The following SEM1 variants were observed in gnomAD, a reference collection of about 807,000 sequenced individuals.
SEM1 encodes the protein SEM1 26S proteasome subunit, also known as 26S proteasome complex subunit SEM1.
Under a neutral mutation model 12.7 loss-of-function variants are expected in SEM1, and 3 were observed. The observed-to-expected ratio is 0.24, with a 90% CI of 0.11 to 0.61. SEM1 has a LOEUF of 0.61. SEM1 is among the 20% of genes least tolerant of loss of function. SEM1 has a pLI of 0.88. For missense variants in SEM1, 59 were observed against 81.3 expected (o/e 0.73, Z 1.06); for synonymous variants, 30 against 27.8 (o/e 1.08, Z -0.25).
intron 2 of SEM1, among the ~76,000 whole-genome samples, chr7:96,663,910 A>C (rs1315449383): frequency 6.6e-6 from 1 of 152,266 alleles, no homozygotes; most frequent in African/African-American, 2.4e-5. Flanking sequence ...ACGTTTCATC[A>C]GTAACAAGAT....
intron 2 of SEM1, among the ~76,000 whole-genome samples, chr7:96,536,371 G>A (rs926712424): frequency 6.6e-6 from 1 of 151,736 alleles, no homozygotes; most frequent in Non-Finnish European, 1.5e-5. Context: ...TTGTGACCTT[G>A]AGAAGAATGT....
chr7:96,563,193 G>A (rs376806755), intron 2 of SEM1, among the ~76,000 whole-genome samples: 9 of 152,064 alleles, frequency 5.9e-5, no homozygotes, highest in African/African-American at 1.9e-4. Flanking sequence ...ATTCATTCAT[G>A]ACAGGAAGAA....
At chr7:96,547,659 T>G (rs1805143710) in intron 2 of SEM1, among the ~76,000 whole-genome samples, 1 of 152,136 alleles carries the variant, frequency 6.6e-6, no homozygotes, top group Non-Finnish European at 1.5e-5. Flanking sequence ...TTAGTTCTAT[T>G]ATGAAAGCAG....
downstream of SEM1, among the ~76,000 whole-genome samples, chr7:96,686,133 C>T (rs1031149915): frequency 6.6e-6 from 1 of 152,032 alleles, no homozygotes; most frequent in Non-Finnish European, 1.5e-5. Flanking sequence ...AATAAACAGG[C>T]CTCTCCTCCC....
At chr7:96,486,265 C>T (rs1802756989) in exon 2 of SEM1, 1 of 1,536,662 alleles carries the variant, frequency 6.5e-7, no homozygotes, top group South Asian at 1.2e-5. Flanking sequence ...TTATCTGTTG[C>T]TTTGCAAAGG....
At chr7:96,694,015 A>G (rs1297780312) in intron 2 of SEM1, among the ~76,000 whole-genome samples, 1 of 151,994 alleles carries the variant, frequency 6.6e-6, no homozygotes, top group African/African-American at 2.4e-5. Flanking sequence ...CAGCCATAAA[A>G]AGGAATGAAG....
intron 2 of SEM1, among the ~76,000 whole-genome samples, chr7:96,663,779 A>C (rs1165186171): frequency 6.6e-6 from 1 of 152,236 alleles, no homozygotes; most frequent in Admixed American, 6.5e-5. Flanking sequence ...GAACACTATA[A>C]ACACTATAAA....
chr7:96,677,472 T>C lies in SEM1; in HGVS notation c.171-3613A>G, dbSNP rs529891378. Among the ~76,000 whole-genome samples the C allele has an allele frequency of 1.1e-3, 172 of 152,292 alleles. 1 individual carries two copies. The highest frequency in any genetic ancestry group is 6.2e-4 in the Non-Finnish European group (42 of 68,038). On this transcript the variant is annotated intron_variant, in intron 2 of 2. Transcript: ENST00000413065. ...AATTACAGAATCTCTCACAAAGAGA[T>C]ATAGATATCATTTAGGGTTAATTGG...
At chr7:96,576,571 A>G (rs1359850033) in intron 2 of SEM1, among the ~76,000 whole-genome samples, 1 of 152,030 alleles carries the variant, frequency 6.6e-6, no homozygotes, top group Non-Finnish European at 1.5e-5. Flanking sequence ...ATAATTTCAC[A>G]TATGTTTAAT....
At chr7:96,642,272 T>C (rs1808638497) in intron 2 of SEM1, among the ~76,000 whole-genome samples, 1 of 152,106 alleles carries the variant, frequency 6.6e-6, no homozygotes, top group Non-Finnish European at 1.5e-5. Context: ...CTGTTTTAAA[T>C]TCCTTTATAG....
At chr7:96,517,842 T>C (rs1360704146) in intron 2 of SEM1, among the ~76,000 whole-genome samples, 1 of 152,186 alleles carries the variant, frequency 6.6e-6, no homozygotes, top group Non-Finnish European at 1.5e-5. Context: ...GTCTCTAGTA[T>C]ATTTGACAGT....
chr7:96,676,761 T>G (rs1043311997), intron 2 of SEM1, among the ~76,000 whole-genome samples: 1 of 152,198 alleles, frequency 6.6e-6, no homozygotes, highest in African/African-American at 2.4e-5. Flanking sequence ...ATACAGAGGA[T>G]CTATGGGCTA....
At chr7:96,693,593 C>T (rs1789993533) in intron 2 of SEM1, among the ~76,000 whole-genome samples, 1 of 151,536 alleles carries the variant, frequency 6.6e-6, no homozygotes, top group Non-Finnish European at 1.5e-5. Flanking sequence ...TAATTTAAAA[C>T]AAAAAAGAAA....
intron 2 of SEM1, among the ~76,000 whole-genome samples, chr7:96,648,748 A>G (rs1808878269): frequency 6.6e-6 from 1 of 152,224 alleles, no homozygotes; most frequent in South Asian, 2.1e-4. Context: ...AAGAAGAAGG[A>G]CTGAGCAGAA....
At chr7:96,656,143 C>T (rs141371199) in intron 2 of SEM1, among the ~76,000 whole-genome samples, 269 of 152,322 alleles carry the variant, frequency 1.8e-3, no homozygotes, top group African/African-American at 6.3e-3. Flanking sequence ...ACCCAAATTC[C>T]GAGCTCAAAA....
chr7:96,500,806 C>A (rs1158002812), upstream of SEM1, among the ~76,000 whole-genome samples: 2 of 152,288 alleles, frequency 1.3e-5, no homozygotes, highest in Non-Finnish European at 1.5e-5. Flanking sequence ...GTTAGATTTT[C>A]ATCTTGGCTC....
At chr7:96,550,293 T>A (rs1470275779) in intron 2 of SEM1, among the ~76,000 whole-genome samples, 2 of 152,174 alleles carry the variant, frequency 1.3e-5, no homozygotes, top group African/African-American at 4.8e-5. Flanking sequence ...TTCCCCAGAC[T>A]CATGTTTAAT....
At chr7:96,636,157 A>G (rs1406836349) in intron 2 of SEM1, among the ~76,000 whole-genome samples, 3 of 152,074 alleles carry the variant, frequency 2.0e-5, no homozygotes, top group Non-Finnish European at 4.4e-5. Context: ...GGTTCCTACC[A>G]TCTGGAAAGG....
intron 2 of SEM1, among the ~76,000 whole-genome samples, chr7:96,611,267 T>G (rs1006165610): frequency 6.6e-6 from 1 of 152,184 alleles, no homozygotes; most frequent in Non-Finnish European, 1.5e-5. Context: ...CCCCTGTGCA[T>G]GTAATGTTAA....
Sources: gnomAD v4.1 joint callset for allele counts (sites outside exome capture counted in the v4.1 genomes callset) on GRCh38, gnomAD v4.1.1 for gene constraint, MANE v1.5 for transcripts, NCBI Gene and HGNC (gene_info 2026-07-23, HGNC 2026-07-21) for gene names.